Variants in ADAMTSL1 observed in about 807,000 individuals in gnomAD.
ADAMTSL1 encodes the protein ADAMTS-like protein 1.
Under a neutral mutation model 201.8 loss-of-function variants are expected in ADAMTSL1, and 126 were observed. The observed-to-expected ratio is 0.62, with a 90% CI of 0.54 to 0.72. The LOEUF is 0.72. ADAMTSL1 is among the 30% of genes least tolerant of loss of function. ADAMTSL1 has a pLI of 0.00. For synonymous variants in ADAMTSL1, 1,121 were observed against 903.4 expected, an observed-to-expected ratio of 1.24 and a Z score of -4.32; for missense variants, 2,679 against 2,277.8, an observed-to-expected ratio of 1.18 and a Z score of -3.59.
At chr9:18,884,044 A>C (rs916872122) in intron 23 of ADAMTSL1, among the ~76,000 whole-genome samples, 1 of 152,176 alleles carries the variant, frequency 6.6e-6, no homozygotes, top group African/African-American at 2.4e-5. Flanking sequence ...GCAATGCACA[A>C]GGGTTCCAAT....
chr9:18,564,241 A>G (rs1821733064), intron 3 of ADAMTSL1, among the ~76,000 whole-genome samples: 1 of 152,146 alleles, frequency 6.6e-6, no homozygotes, highest in East Asian at 1.9e-4. Flanking sequence ...ACAGTGCCTC[A>G]TGGCTTCCTT....
At chr9:17,933,617 C>T (rs1222875754) in intron 1 of ADAMTSL1, among the ~76,000 whole-genome samples, 2 of 152,110 alleles carry the variant, frequency 1.3e-5, no homozygotes, top group African/African-American at 4.8e-5. Flanking sequence ...TCTGCAGGAA[C>T]TATAGGAAGC....
At chr9:18,569,712 A>G (rs1822173937) in intron 3 of ADAMTSL1, among the ~76,000 whole-genome samples, 2 of 152,198 alleles carry the variant, frequency 1.3e-5, no homozygotes, top group Admixed American at 1.3e-4. Context: ...CTTTTTGACT[A>G]TTTTAATTGT....
At chr9:18,795,374 A>G (rs778697190) in intron 19 of ADAMTSL1, 23 bp from the exon 20 acceptor site, 27 of 1,613,346 alleles carry the variant, frequency 1.7e-5, no homozygotes, top group Middle Eastern at 1.6e-4. Context: ...GACCAGGTCT[A>G]TATTTCTTTT....
intron 4 of ADAMTSL1, among the ~76,000 whole-genome samples, chr9:18,584,365 AG>A (rs768360323): frequency 5.7e-5 from 8 of 139,408 alleles, no homozygotes; most frequent in Admixed American, 1.4e-4. Flanking sequence ...CATGATTGTG[AG>A]GCCCCCCCCA....
chr9:17,960,294 G>A (rs1338299437), intron 1 of ADAMTSL1, among the ~76,000 whole-genome samples: 1 of 152,150 alleles, frequency 6.6e-6, no homozygotes, highest in African/African-American at 2.4e-5. Context: ...ATCTTATTGA[G>A]CAAAACTTAG....
intron 1 of ADAMTSL1, among the ~76,000 whole-genome samples, chr9:18,107,569 A>T (rs979805102): frequency 6.6e-6 from 1 of 152,172 alleles, no homozygotes; most frequent in African/African-American, 2.4e-5. Context: ...TTTTATAGCC[A>T]TGCTCTGGGA....
At chr9:17,956,595 A>G (rs1279542541) in intron 1 of ADAMTSL1, among the ~76,000 whole-genome samples, 1 of 152,148 alleles carries the variant, frequency 6.6e-6, no homozygotes, top group African/African-American at 2.4e-5. Context: ...GGTCTGTAGC[A>G]TGACTCAGTT....
chr9:18,586,500 T>C (rs1463456253), intron 4 of ADAMTSL1, among the ~76,000 whole-genome samples: 1 of 152,130 alleles, frequency 6.6e-6, no homozygotes, highest in Non-Finnish European at 1.5e-5. Flanking sequence ...ATCAGTATCA[T>C]TGAAATAGCC....
In ADAMTSL1 at chr9:18,474,176, G is replaced by C. The variant is rs1407307852; in HGVS notation, c.-57G>C. 13 of 1,542,662 alleles carry C rather than the reference G, an allele frequency of 8.4e-6. No individual in the cohort carries two copies. Among genetic ancestry groups the C allele is most frequent in the Non-Finnish European group, 1.2e-5 (13 of 1,116,454 alleles). ...CCAGTACTGGATGTGACAGCAGGCA[G>C]AGGAGCACTTAGCAGCTTATTCAGT... On this transcript the variant is annotated 5_prime_UTR_variant, in exon 1 of 29. Coordinates refer to ENST00000380548, the MANE Select transcript of ADAMTSL1 (RefSeq NM_001040272.6).
At chr9:18,267,796 C>T (rs1261377801) in intron 2 of ADAMTSL1, among the ~76,000 whole-genome samples, 1 of 119,550 alleles carries the variant, frequency 8.4e-6, no homozygotes, top group African/African-American at 3.8e-5. Context: ...ACAAAAAAAC[C>T]TTAATCTGAG....
intron 2 of ADAMTSL1, among the ~76,000 whole-genome samples, chr9:18,365,275 A>G (rs1836718825): frequency 6.6e-6 from 1 of 152,210 alleles, no homozygotes; most frequent in African/African-American, 2.4e-5. Flanking sequence ...GACATCATCA[A>G]AAACATCCAG....
At chr9:18,063,922 A>G (rs1412337572) in intron 1 of ADAMTSL1, among the ~76,000 whole-genome samples, 48 of 152,046 alleles carry the variant, frequency 3.2e-4, no homozygotes. Flanking sequence ...GCCAGCTTCC[A>G]ATTTCCGTGC....
chr9:17,930,651 A>G (rs185307490), intron 1 of ADAMTSL1, among the ~76,000 whole-genome samples: 2 of 152,340 alleles, frequency 1.3e-5, no homozygotes, highest in Admixed American at 1.3e-4. Context: ...GAAACCCTAA[A>G]GAATTCCAAG....
intron 20 of ADAMTSL1, among the ~76,000 whole-genome samples, chr9:18,809,914 T>A (rs1030871882): frequency 1.3e-5 from 2 of 152,244 alleles, no homozygotes; most frequent in South Asian, 4.1e-4. Flanking sequence ...TCACGCTGGC[T>A]GCCATAAAAC....
At chr9:18,107,810 A>C (rs12238245) in intron 1 of ADAMTSL1, among the ~76,000 whole-genome samples, 6,629 of 152,234 alleles carry the variant, frequency 0.044, 464 homozygotes, top group East Asian at 0.38. Context: ...GCAGGTATAT[A>C]ACCTGGTACA....
chr9:18,773,725 G>C (rs1349083453), intron 17 of ADAMTSL1, among the ~76,000 whole-genome samples: 1 of 152,202 alleles, frequency 6.6e-6, no homozygotes. Flanking sequence ...GCTAGAGAAA[G>C]AGCTAGACTT....
chr9:18,731,120 T>G (rs1818193539), intron 15 of ADAMTSL1, among the ~76,000 whole-genome samples: 1 of 152,216 alleles, frequency 6.6e-6, no homozygotes, highest in African/African-American at 2.4e-5. Flanking sequence ...TTTTAAGAAT[T>G]GGGGAATTTC....
At chr9:18,057,979 G>T (rs58623352) in intron 1 of ADAMTSL1, among the ~76,000 whole-genome samples, 11,103 of 152,220 alleles carry the variant, frequency 0.073, 559 homozygotes, top group African/African-American at 0.14. Flanking sequence ...ATCATTGTCT[G>T]CCTGGCTAGG....
Sources: gnomAD v4.1 joint callset for allele counts (sites outside exome capture counted in the v4.1 genomes callset) on GRCh38, gnomAD v4.1.1 for gene constraint, MANE v1.5 for transcripts, NCBI Gene and HGNC (gene_info 2026-07-23, HGNC 2026-07-21) for gene names.